SPAG11A: variants seen among roughly 807,000 people sequenced by gnomAD.
SPAG11A encodes sperm-associated antigen 11A.
Under a neutral mutation model 5.5 loss-of-function variants are expected in SPAG11A, and 2 were observed. The observed-to-expected ratio is 0.37, with a 90% confidence interval of 0.15 to 1.15. SPAG11A has a LOEUF of 1.15. SPAG11A is among the 50% of genes most tolerant of loss of function. The pLI is 0.38. For missense variants in SPAG11A, 24 were observed against 122.5 expected (o/e 0.20, Z 3.80); for synonymous variants, 11 against 42.7 (o/e 0.26, Z 2.90).
intron 2 of SPAG11A, chr8:7,860,425 G>A: frequency 1.4e-6 from 2 of 1,425,608 alleles, no homozygotes; most frequent in African/African-American, 2.8e-5. Context: ...TGGGCCAGGT[G>A]AGCATTCATA....
At chr8:7,860,408 G>A (rs1168570431) in intron 2 of SPAG11A, 2 of 1,428,414 alleles carry the variant, frequency 1.4e-6, no homozygotes, top group African/African-American at 2.8e-5. Context: ...GCTTTTTAGG[G>A]CCTAGATGGG....
chr8:7,863,253 C>CTTTTTTTTTTTT (rs1818268113), downstream of SPAG11A, among the ~76,000 whole-genome samples: 4 of 11,992 alleles, frequency 3.3e-4, no homozygotes, highest in African/African-American at 2.3e-4. Context: ...TTTTTGACCA[C>CTTTTTTTTTTTT]TTGTTCTGAA....
At chr8:7,848,970 CG>C in intron 2 of SPAG11A, 127 bp downstream of exon 2, 1 of 316,206 alleles carries the variant, frequency 3.2e-6, no homozygotes, top group East Asian at 7.6e-5. Flanking sequence ...AGACATGGTG[CG>C]GGTGCATTGG....
chr8:7,860,783 G>C, exon 3 of SPAG11A: 1 of 1,381,862 alleles, frequency 7.2e-7, no homozygotes, highest in Non-Finnish European at 9.7e-7. Flanking sequence ...ATCAAATACA[G>C]ATGAAGAAGG....
chr8:7,857,864 A>G (rs1332144506), intron 2 of SPAG11A, among the ~76,000 whole-genome samples: 253 of 81,990 alleles, frequency 3.1e-3, no homozygotes, highest in East Asian at 0.019. Flanking sequence ...CCACTGCTTG[A>G]TGTCTCTTTT....
chr8:7,857,627 C>CT (rs200821380), intron 2 of SPAG11A, among the ~76,000 whole-genome samples: 12,497 of 81,132 alleles, frequency 0.15, 3,281 homozygotes, highest in Middle Eastern at 0.35. Flanking sequence ...TTTTTTCTCT[C>CT]TTTTTTTTTG....
chr8:7,858,228 T>A (rs1818096442), intron 2 of SPAG11A, among the ~76,000 whole-genome samples: 1 of 111,556 alleles, frequency 9.0e-6, no homozygotes, highest in Admixed American at 9.6e-5. Flanking sequence ...ATCTAAGTGA[T>A]CCTGGGACTA....
intron 2 of SPAG11A, among the ~76,000 whole-genome samples, chr8:7,856,949 G>C: frequency 6.8e-6 from 1 of 148,008 alleles, no homozygotes; most frequent in African/African-American, 2.5e-5. Flanking sequence ...CTGTGATTTG[G>C]GAATGGATTC....
exon 3 of SPAG11A, chr8:7,860,873 A>G: frequency 1.7e-6 from 2 of 1,179,044 alleles, no homozygotes; most frequent in African/African-American, 1.6e-5. Flanking sequence ...GAAGTATCCC[A>G]AGGGCTTAAA....
chr8:7,860,531 G>C, intron 2 of SPAG11A, 115 bp from the exon 3 acceptor site: 1 of 1,352,782 alleles, frequency 7.4e-7, no homozygotes, highest in South Asian at 1.6e-5. Flanking sequence ...ACTGGGGCTT[G>C]TCCAAAAATA....
rs1213414227 is a variant in SPAG11A at position 7,860,123 on chromosome 8, A to C, written c.215-523A>C. On this transcript the variant is annotated intron_variant, in intron 2 of 2. Coordinates refer to ENST00000642566, the Ensembl canonical transcript of SPAG11A. ...TCTTTCTTTCAACCATCTCTTGCCCAATGTCCTGTTGTTATAAAAATTTAG... is the reference window on the plus strand; with the variant it reads ...TCTTTCTTTCAACCATCTCTTGCCCCATGTCCTGTTGTTATAAAAATTTAG... Among the ~76,000 whole-genome samples the C allele has an allele frequency of 3.4e-5, 5 of 149,032 alleles. No individual in the cohort carries two copies. The Admixed American group carries it at 3.4e-4, about 10-fold the overall frequency.
At chr8:7,852,402 C>T (rs1371978857) in intron 2 of SPAG11A, among the ~76,000 whole-genome samples, 5 of 152,324 alleles carry the variant, frequency 3.3e-5, no homozygotes, top group African/African-American at 9.6e-5. Flanking sequence ...CCACCTCCAC[C>T]TCCCGGGTTC....
intron 2 of SPAG11A, among the ~76,000 whole-genome samples, chr8:7,860,173 C>A (rs1818154564): frequency 6.7e-6 from 1 of 148,530 alleles, no homozygotes; most frequent in African/African-American, 2.5e-5. Context: ...CTTACAAGCC[C>A]ACAGGTCCTG....
chr8:7,860,454 T>C (rs755341912), intron 2 of SPAG11A, 192 bp from the exon 3 acceptor site: 2 of 1,418,756 alleles, frequency 1.4e-6, no homozygotes, highest in Non-Finnish European at 1.9e-6. Context: ...CCTATCATCC[T>C]CCTGGCAACA....
downstream of SPAG11A, among the ~76,000 whole-genome samples, chr8:7,862,031 G>A (rs1585713541): frequency 1.9e-5 from 2 of 103,216 alleles, no homozygotes; most frequent in Non-Finnish European, 4.3e-5. Context: ...CTAGAGGGGA[G>A]AGCCATTGTT....
chr8:7,861,699 T>G (rs549979414), downstream of SPAG11A, among the ~76,000 whole-genome samples: 4 of 130,680 alleles, frequency 3.1e-5, 1 homozygote, highest in East Asian at 6.3e-4. Context: ...AGAGACCACA[T>G]GCCAAGCTTT....
chr8:7,852,409 G>A (rs1348746830), intron 2 of SPAG11A, among the ~76,000 whole-genome samples: 2 of 152,192 alleles, frequency 1.3e-5, no homozygotes, highest in Non-Finnish European at 2.9e-5. Context: ...CACCTCCCGG[G>A]TTCAAGCGAT....
At chr8:7,857,351 T>A (rs1302691879) in intron 2 of SPAG11A, among the ~76,000 whole-genome samples, 122 of 100,018 alleles carry the variant, frequency 1.2e-3, no homozygotes, top group African/African-American at 3.2e-3. Flanking sequence ...TTCAGAATTG[T>A]CATTATTCCT....
At chr8:7,852,115 A>G in intron 2 of SPAG11A, among the ~76,000 whole-genome samples, 1 of 145,274 alleles carries the variant, frequency 6.9e-6, no homozygotes, top group East Asian at 2.0e-4. Context: ...TCTCAGAAAG[A>G]ACCGATCTGT....
Sources: allele counts gnomAD v4.1 joint callset (sites outside exome capture counted in the v4.1 genomes callset), GRCh38; gene constraint gnomAD v4.1.1; transcripts MANE v1.5; gene names NCBI Gene and HGNC (gene_info 2026-07-23, HGNC 2026-07-21).